Variants in BRD9 observed in about 807,000 individuals in gnomAD.
The protein encoded by BRD9 is bromodomain-containing protein 9.
BRD9 carries 47 observed loss-of-function variants against 68.7 expected under a neutral mutation model. The ratio of observed to expected loss-of-function variants is 0.68; its 90% CI spans 0.54 to 0.87. The LOEUF is 0.87. Among genes scored for constraint, BRD9 ranks in the 40% least tolerant of loss-of-function variants. BRD9 has a pLI of 0.00. For missense variants in BRD9, 670 were observed against 748.4 expected, an observed-to-expected ratio of 0.90 and a Z score of 1.22; for synonymous variants, 313 against 293.9, an observed-to-expected ratio of 1.06 and a Z score of -0.67.
chr5:877,075 C>T (rs1478345035), intron 11 of BRD9, among the ~76,000 whole-genome samples: 1 of 152,210 alleles, frequency 6.6e-6, no homozygotes, highest in Admixed American at 6.5e-5. Context: ...TTCTTCACGG[C>T]AACATGGAAC....
chr5:881,897 C>G (rs987950981), intron 8 of BRD9: 8 of 152,592 alleles, frequency 5.2e-5, no homozygotes, highest in Admixed American at 2.0e-4. Context: ...GATTAGGAGA[C>G]AAGTCCTCAC....
chr5:869,176 G>C (rs1232993215), intron 14 of BRD9: 2 of 373,332 alleles, frequency 5.4e-6, no homozygotes, highest in Non-Finnish European at 1.1e-5. Context: ...CCCACTCTTG[G>C]CCAAGGGCAC....
chr5:881,353 C>T (rs1043916045), intron 8 of BRD9, 171 bp from the exon 9 acceptor site: 2 of 663,118 alleles, frequency 3.0e-6, no homozygotes, highest in Non-Finnish European at 5.3e-6. Context: ...CCGGCAACAG[C>T]AGAGCGCGCA....
Position 865,697 on chromosome 5 carries a change from T to C in BRD9, c.1526-116A>G, listed in dbSNP as rs1483325174. On this transcript the variant is annotated intron_variant, in intron 14 of 15. Transcript: ENST00000467963. ...TCTCTGCTCAGGACAATAATTGCTC[T>C]GGAAACTGAGTGGACGAGCTCACAG... The C allele has an allele frequency of 2.7e-5, 32 of 1,199,312 alleles. No individual in the cohort carries two copies. In the East Asian group the frequency reaches 4.4e-4, roughly 16 times the overall value. 74.3% of individuals were successfully genotyped at this position (1,199,312 alleles called of 1,614,324 possible).
intron 10 of BRD9, 74 bp from the exon 11 acceptor site, chr5:878,561 A>G (rs1303195282): frequency 6.3e-7 from 1 of 1,594,198 alleles, no homozygotes; most frequent in Non-Finnish European, 8.6e-7. Flanking sequence ...CCGCTTCTCC[A>G]GGGGCTGAGG....
intron 2 of BRD9, 97 bp downstream of exon 2, chr5:891,543 C>G: frequency 6.7e-7 from 1 of 1,483,120 alleles, no homozygotes; most frequent in Non-Finnish European, 8.9e-7. Context: ...CCCTCCCCTC[C>G]TCCAGCCACG....
intron 3 of BRD9, 147 bp downstream of exon 3, chr5:891,008 G>C: frequency 9.7e-7 from 1 of 1,035,054 alleles, no homozygotes; most frequent in Admixed American, 3.3e-5. Context: ...GAAACCTCAG[G>C]CCAGAGGACA....
chr5:875,570 G>A (rs192927351), intron 12 of BRD9, among the ~76,000 whole-genome samples: 328 of 152,140 alleles, frequency 2.2e-3, no homozygotes, highest in Non-Finnish European at 3.4e-3. Context: ...GGATGGTCTC[G>A]ACCTCCTGAC....
In BRD9 at chr5:871,556, A is replaced by G; in HGVS notation, c.1392T>C (p.Asn464=). ...CTTCATCTGGAGGCTTCATGGGAACATTTCTTCTCTGAAAAGTAAATGAGG... is the reference window on the plus strand; with the variant it reads ...CTTCATCTGGAGGCTTCATGGGAACGTTTCTTCTCTGAAAAGTAAATGAGG... ...RTLFQLKQRR[N]VPMKPPDEAK... The change falls in exon 13 of 16, where the codon AAT becomes AAC. Residue 464 remains asparagine (N), a synonymous_variant. Coordinates refer to ENST00000467963, the MANE Select transcript of BRD9 (RefSeq NM_023924.5). The G allele has an allele frequency of 6.2e-7, 1 of 1,614,130 alleles. No individual in the cohort carries two copies. Among genetic ancestry groups the G allele is most frequent in the Non-Finnish European group, 8.5e-7 (1 of 1,179,966 alleles).
chr5:865,641 G>A, intron 14 of BRD9, 60 bp from the exon 15 acceptor site: 1 of 1,519,086 alleles, frequency 6.6e-7, no homozygotes, highest in Non-Finnish European at 8.9e-7. Flanking sequence ...CTACCCTAAG[G>A]GCAGGAGCAC....
Position 889,020 on chromosome 5 carries a change from C to T in BRD9, c.606+1G>A. 2 of 1,604,744 alleles carry T rather than the reference C, an allele frequency of 1.2e-6. No individual in the cohort carries two copies. Among genetic ancestry groups the T allele is most frequent in the Non-Finnish European group, 1.7e-6 (2 of 1,177,002 alleles). ...TACTTCGGGCAATGAAAGTAACTTA[C>T]CTTAAATTCCGTAACTGACTTGTAT... On this transcript the variant is annotated splice_donor_variant, in intron 5 of 15. Coordinates refer to ENST00000467963, the MANE Select transcript of BRD9 (RefSeq NM_023924.5). LOFTEE classifies it high-confidence loss of function.
rs954421327 is a variant in BRD9 at position 886,826 on chromosome 5, G to A, written c.718-119C>T. The A allele has an allele frequency of 4.7e-5, 72 of 1,542,204 alleles. No homozygotes were observed. The East Asian group carries it at 5.5e-4, about 12-fold the overall frequency. On this transcript the variant is annotated intron_variant, in intron 6 of 15. Coordinates refer to ENST00000467963, the MANE Select transcript of BRD9 (RefSeq NM_023924.5). ...ACCTCTCCCTCACAGCCAGGGTGCCGTGACGATGGGATGGGATGGGGATGG... is the reference window on the plus strand; with the variant it reads ...ACCTCTCCCTCACAGCCAGGGTGCCATGACGATGGGATGGGATGGGGATGG...
At chr5:877,795 TA>T (rs747124263) in intron 11 of BRD9, among the ~76,000 whole-genome samples, 3 of 152,076 alleles carry the variant, frequency 2.0e-5, no homozygotes, top group Non-Finnish European at 4.4e-5. Flanking sequence ...CCTTTAGAGG[TA>T]ACTGCAGTGA....
intron 7 of BRD9, among the ~76,000 whole-genome samples, chr5:885,435 G>A (rs905933576): frequency 6.6e-6 from 1 of 152,192 alleles, no homozygotes; most frequent in African/African-American, 2.4e-5. Flanking sequence ...CGCCCCACCT[G>A]TTAAATCCAC....
rs758451130 is a variant in BRD9 at position 887,407 on chromosome 5, T to A, written c.671A>T (p.Lys224Met). The A allele has an allele frequency of 6.2e-7, 1 of 1,614,176 alleles. No individual in the cohort carries two copies. Among genetic ancestry groups the A allele is most frequent in the African/African-American group, 1.3e-5 (1 of 75,054 alleles). ...TGCGTGAAGGATCTTCTTCGCCAAC[T>A]TGTAGTACACGGTATCTGGCCTATT... ...TYNRPDTVYY[K>M]LAKKILHAGF... is the part of the protein sequence containing the mutation. The change falls in exon 6 of 16, where the codon AAG becomes ATG. Residue 224 changes from lysine (K) to methionine (M), a missense_variant. By Grantham distance (95) the Lys-to-Met change is moderately conservative. Transcript: ENST00000467963.
At position 886,727 on chromosome 5, in the gene BRD9, T is replaced by C. The variant is rs1283464015; in HGVS notation, c.718-20A>G. 1.9e-6 allele frequency: 3 copies of C among 1,614,022 alleles called. No homozygotes were observed. Among genetic ancestry groups the C allele is most frequent in the Non-Finnish European group, 2.5e-6 (3 of 1,179,946 alleles). On this transcript the variant is annotated intron_variant, in intron 6 of 15. Transcript: ENST00000467963. ...TGCCTGCTGAGAAAAATCCATGTCCTGCATAAACGACATGCTGCGCTTCAA... is the reference window on the plus strand; with the variant it reads ...TGCCTGCTGAGAAAAATCCATGTCCCGCATAAACGACATGCTGCGCTTCAA...
intron 5 of BRD9, 115 bp from the exon 6 acceptor site, chr5:887,586 T>C: frequency 1.3e-6 from 1 of 783,406 alleles, no homozygotes; most frequent in East Asian, 2.5e-5. Flanking sequence ...AGAAAACAAT[T>C]CAACTGGGCT....
At chr5:889,519 A>G in intron 4 of BRD9, 68 bp downstream of exon 4, 1 of 1,527,570 alleles carries the variant, frequency 6.5e-7, no homozygotes, top group Non-Finnish European at 9.0e-7. Context: ...GGCGTGGGGA[A>G]TAAGGCCTCA....
At chr5:868,686 C>T (rs553387547) in intron 14 of BRD9, 1 of 152,424 alleles carries the variant, frequency 6.6e-6, no homozygotes, top group East Asian at 1.9e-4. Context: ...TGTGTTGTCA[C>T]AGCTCACTCC....
Sources: allele counts gnomAD v4.1 joint callset (sites outside exome capture counted in the v4.1 genomes callset), GRCh38; gene constraint gnomAD v4.1.1; transcripts MANE v1.5; gene names NCBI Gene and HGNC (gene_info 2026-07-23, HGNC 2026-07-21).